Variants in ITGB4 observed in about 807,000 individuals in gnomAD.
The protein encoded by ITGB4 is integrin subunit beta 4.
Under a neutral mutation model 207.6 loss-of-function variants are expected in ITGB4, and 159 were observed. That is an observed-to-expected ratio of 0.77 (90% confidence interval 0.67 to 0.87). The LOEUF (loss-of-function observed/expected upper bound fraction) is 0.87. ITGB4 is among the 40% of genes least tolerant of loss of function. The pLI is 0.00. For synonymous variants in ITGB4, 1,020 were observed against 1,062.7 expected (o/e 0.96, Z 0.78); for missense variants, 2,278 against 2,546.8 (o/e 0.89, Z 2.27).
intron 32 of ITGB4, among the ~76,000 whole-genome samples, chr17:75,753,090 T>C (rs141859331): frequency 6.6e-6 from 1 of 152,244 alleles, no homozygotes; most frequent in Non-Finnish European, 1.5e-5. Flanking sequence ...GAATCACTCA[T>C]CCTTTCCATG....
In ITGB4 at chr17:75,732,093, AG is replaced by A; in HGVS notation, c.1378-69del. ...TGTGGGGTTTCCCGAGGCACACAGG[AG>A]AGCGGAAGTGTCCAGTGGCCCCGGT... On this transcript the variant is annotated intron_variant, in intron 11 of 39. Transcript: ENST00000200181. The surrounding 1 kb of genome is among the most constrained non-coding windows in gnomAD (Gnocchi z 5.3). The A allele has an allele frequency of 6.2e-7, 1 of 1,606,206 alleles. No homozygotes were observed. Among genetic ancestry groups the A allele is most frequent in the Middle Eastern group, 1.7e-4 (1 of 6,048 alleles).
At chr17:75,738,930 T>TA (rs2061043679) in intron 18 of ITGB4, among the ~76,000 whole-genome samples, 2 of 151,594 alleles carry the variant, frequency 1.3e-5, no homozygotes, top group African/African-American at 2.4e-5. Context: ...GAGCTATGAT[T>TA]ATGCCACTGC....
chr17:75,731,318 A>T lies in ITGB4; in HGVS notation c.1165A>T (p.Met389Leu). ...CCTTCGGACAGAGGTCACCTCCAAG[A>T]TGTTCCAGAAGACGAGGACTGGGTC... Reference protein sequence around the residue: ...RGLRTEVTSKMFQKTRTGSFH... With the variant: ...RGLRTEVTSKLFQKTRTGSFH... Residue 389 changes from methionine to leucine, a missense_variant, in exon 10 of 40, where the codon ATG becomes TTG. Coordinates refer to ENST00000200181, the MANE Select transcript of ITGB4 (RefSeq NM_000213.5). The surrounding 1 kb of genome is among the most constrained non-coding windows in gnomAD (Gnocchi z 6.8). The T allele has an allele frequency of 1.2e-6, 2 of 1,613,344 alleles. No homozygotes were observed. Among genetic ancestry groups the T allele is most frequent in the Middle Eastern group, 1.6e-4 (1 of 6,062 alleles).
Position 75,754,689 on chromosome 17 carries a change from C to T in ITGB4, c.4432C>T (p.Pro1478Ser), listed in dbSNP as rs764048800. Residue 1478 changes from proline (P) to serine (S), a missense_variant, in exon 34 of 40, where the codon CCC becomes TCC. Pro to Ser is a moderately conservative substitution (Grantham distance 74). Coordinates refer to ENST00000200181, the MANE Select transcript of ITGB4 (RefSeq NM_000213.5). ...AYGTHLSPHV[P>S]HRVLSTSSTL... ...TGGCACCCACCTGAGCCCACACGTG[C>T]CCCACCGCGTGCTAAGCACATCCTC... 2 of 1,614,144 alleles carry T rather than the reference C, an allele frequency of 1.2e-6. No individual in the cohort carries two copies. The highest frequency in any genetic ancestry group is 1.7e-6 in the Non-Finnish European group (2 of 1,180,006).
intron 1 of ITGB4, among the ~76,000 whole-genome samples, chr17:75,724,423 C>T (rs1404901649): frequency 6.6e-6 from 1 of 152,270 alleles, no homozygotes; most frequent in Non-Finnish European, 1.5e-5. Context: ...GCTGAGAGGC[C>T]TGGCACTGGG....
rs1159201266 is a variant in ITGB4 at position 75,736,684 on chromosome 17, G to A, written c.1980G>A (p.Glu660=). 1 of 1,595,496 alleles carries A rather than the reference G, an allele frequency of 6.3e-7. No homozygotes were observed. The highest frequency in any genetic ancestry group is 8.5e-7 in the Non-Finnish European group (1 of 1,172,436). The change falls in exon 16 of 40, where the codon GAG becomes GAA. Residue 660 remains glutamate (E), a synonymous_variant. Coordinates refer to ENST00000200181, the MANE Select transcript of ITGB4 (RefSeq NM_000213.5). ...ACTTCAAGGTCAAGATGGTGGACGA[G>A]CTTAAGAGAGGTAGGGGCAGGGGCT... ...ECNFKVKMVD[E]LKRAEEVVVR...
chr17:75,749,029 C>T lies in ITGB4; in HGVS notation c.3300C>T (p.Ile1100=), dbSNP rs2061302506. ...AHLGQPHSTT[I]IIRDPDELDR... ...TGGGCCAGCCCCACTCCACCACCAT[C>T]ATCATCAGGGACCCAGGTAGGCAGA... is the stretch of plus-strand genomic sequence containing the variant. The change falls in exon 27 of 40, where the codon ATC becomes ATT. Residue 1100 remains isoleucine, a synonymous_variant. Transcript: ENST00000200181. 6 of 1,611,564 alleles carry T rather than the reference C, an allele frequency of 3.7e-6. No individual in the cohort carries two copies. The highest frequency in any genetic ancestry group is 5.1e-6 in the Non-Finnish European group (6 of 1,179,948).
chr17:75,745,808 G>A (rs958027442), intron 26 of ITGB4, among the ~76,000 whole-genome samples: 1 of 152,092 alleles, frequency 6.6e-6, no homozygotes, highest in Non-Finnish European at 1.5e-5. Context: ...GAAACCAGGA[G>A]GTGGAGGCTG....
chr17:75,755,159 C>T (rs755561993), intron 34 of ITGB4: 7 of 1,611,536 alleles, frequency 4.3e-6, no homozygotes, highest in Non-Finnish European at 5.9e-6. Context: ...TTCCAGGGGC[C>T]CACGAGACTC....
At chr17:75,745,224 C>G (rs1409116178) in intron 26 of ITGB4, among the ~76,000 whole-genome samples, 1 of 151,978 alleles carries the variant, frequency 6.6e-6, no homozygotes, top group Admixed American at 6.6e-5. Flanking sequence ...GAGACCATGT[C>G]TATACATATA....
chr17:75,733,399 A>T (rs537562678), intron 12 of ITGB4, 91 bp from the exon 13 acceptor site: 220 of 1,094,790 alleles, frequency 2.0e-4, no homozygotes, highest in Non-Finnish European at 2.8e-4. Flanking sequence ...AAAAAAAATA[A>T]AATAATTAAA....
chr17:75,733,827 G>C, intron 13 of ITGB4, 135 bp downstream of exon 13: 1 of 1,033,480 alleles, frequency 9.7e-7, no homozygotes. Context: ...AGCCCACTCT[G>C]GATGCCCTGA....
At position 75,756,474 on chromosome 17, in the gene ITGB4, T is replaced by G; in HGVS notation, c.4754T>G (p.Val1585Gly). The G allele has an allele frequency of 6.2e-7, 1 of 1,613,190 alleles. No individual in the cohort carries two copies. Among genetic ancestry groups the G allele is most frequent in the Non-Finnish European group, 8.5e-7 (1 of 1,179,958 alleles). The change falls in exon 36 of 40, where the codon GTG (valine) becomes GGG (glycine). Residue 1585 changes from valine to glycine, a missense_variant. Physicochemically the swap from Val to Gly is moderately radical, Grantham distance 109 (BLOSUM62 -3). Coordinates refer to ENST00000200181, the MANE Select transcript of ITGB4 (RefSeq NM_000213.5). Reference protein sequence around the residue: ...LNIPNPAQTSVVVEDLLPNHS... With the variant: ...LNIPNPAQTSGVVEDLLPNHS... ...ATCCCCAACCCTGCCCAGACCTCGGTGGTGGTGGAAGACCTCCTGCCCAAC... is the reference window on the plus strand; with the variant it reads ...ATCCCCAACCCTGCCCAGACCTCGGGGGTGGTGGAAGACCTCCTGCCCAAC...
intron 14 of ITGB4, 37 bp downstream of exon 14, chr17:75,736,191 A>C: frequency 6.2e-7 from 1 of 1,605,458 alleles, no homozygotes; most frequent in African/African-American, 1.3e-5. Context: ...GTCTGTCAGC[A>C]CCACCCACCC....
At position 75,736,334 on chromosome 17, in the gene ITGB4, G is replaced by A. The variant is rs1303898904; in HGVS notation, c.1808G>A (p.Cys603Tyr). The change falls in exon 15 of 40, where the codon TGC becomes TAC. Residue 603 changes from cysteine to tyrosine, a missense_variant. Cys to Tyr is a radical substitution (Grantham distance 194, BLOSUM62 -2). Transcript: ENST00000200181. ...CACTGTGAGTGTGGCCGCTGCCACT[G>A]CCACCAGCAGTCGCTCTACACGGAC... ...RGHCECGRCHCHQQSLYTDTI... is the reference protein window; with the variant it reads ...RGHCECGRCHYHQQSLYTDTI... The A allele has an allele frequency of 3.7e-6, 6 of 1,613,728 alleles. No individual in the cohort carries two copies. Among genetic ancestry groups the A allele is most frequent in the Non-Finnish European group, 5.1e-6 (6 of 1,179,880 alleles).
Position 75,757,310 on chromosome 17 carries a change from G to A in ITGB4, c.5329G>A (p.Asp1777Asn). The A allele has an allele frequency of 6.2e-7, 1 of 1,612,450 alleles. No homozygotes were observed. The highest frequency in any genetic ancestry group is 1.3e-5 in the African/African-American group (1 of 74,994). ...HTSATEPFLV[D>N]GLTLGAQHLE... ...CAGCGCCACCGAGCCCTTCCTAGTG[G>A]GTGAGCACTGAGGGCTAGGGGATCC... is the stretch of plus-strand genomic sequence containing the variant. Residue 1777 changes from aspartate (D) to asparagine (N), a missense_variant and splice_region_variant, in exon 39 of 40, where the codon GAT (aspartate) becomes AAT (asparagine). Coordinates refer to ENST00000200181, the MANE Select transcript of ITGB4 (RefSeq NM_000213.5).
At chr17:75,738,042 G>C (rs2061022156) in intron 18 of ITGB4, among the ~76,000 whole-genome samples, 1 of 152,296 alleles carries the variant, frequency 6.6e-6, no homozygotes, top group East Asian at 1.9e-4. Context: ...TCTGGTCCCA[G>C]CTCTGTGACC....
chr17:75,724,511 C>A (rs745545478), intron 1 of ITGB4, among the ~76,000 whole-genome samples, 183 bp from the exon 2 acceptor site: 2 of 152,256 alleles, frequency 1.3e-5, no homozygotes, highest in Non-Finnish European at 2.9e-5. Context: ...AGGGATGGCA[C>A]GGAACAGGGC....
chr17:75,736,698 G>A lies in ITGB4; in HGVS notation c.1990+4G>A. The A allele has an allele frequency of 6.3e-7, 1 of 1,591,970 alleles. No individual in the cohort carries two copies. The highest frequency in any genetic ancestry group is 8.5e-7 in the Non-Finnish European group (1 of 1,170,684). ...ATGGTGGACGAGCTTAAGAGAGGTA[G>A]GGGCAGGGGCTGAGGGTTGGGGTTG... On this transcript the variant is annotated splice_donor_region_variant and intron_variant, in intron 16 of 39. Transcript: ENST00000200181.
Sources: allele counts gnomAD v4.1 joint callset (sites outside exome capture counted in the v4.1 genomes callset), GRCh38; gene constraint gnomAD v4.1.1; non-coding constraint Gnocchi (gnomAD v3.1); transcripts MANE v1.5; gene names NCBI Gene and HGNC (gene_info 2026-07-23, HGNC 2026-07-21).